Variants in ABCD3 observed in about 807,000 individuals in gnomAD.
The protein encoded by ABCD3 is ATP-binding cassette sub-family D member 3.
ABCD3 carries 41 observed loss-of-function variants against 105.5 expected under a neutral mutation model. That is an observed-to-expected ratio of 0.39 (90% CI 0.30 to 0.50). The LOEUF is 0.50. Ranked by LOEUF, ABCD3 falls within the 20% of genes least tolerant of loss-of-function variation. The probability of loss-of-function intolerance (pLI) is 0.84; values close to 1 mark genes in which losing one functional copy is unlikely to be tolerated. For synonymous variants in ABCD3, 258 were observed against 269.0 expected, an observed-to-expected ratio of 0.96 and a Z score of 0.40; for missense variants, 622 against 806.3, an observed-to-expected ratio of 0.77 and a Z score of 2.77.
the ABCD3 span, among the ~76,000 whole-genome samples, chr1:94,398,410 G>T: frequency 2.0e-5 from 3 of 152,120 alleles, no homozygotes; most frequent in Non-Finnish European, 4.4e-5. Flanking sequence ...AATTGCTAAC[G>T]TGTATTCTTG....
At chr1:94,482,680 C>T (rs1463013356) in intron 9 of ABCD3, 1 of 165,126 alleles carries the variant, frequency 6.1e-6, no homozygotes, top group Non-Finnish European at 1.3e-5. Context: ...AGGGTTTCCT[C>T]CTGGGAGCTG....
chr1:94,478,446 C>G, intron 8 of ABCD3, 131 bp downstream of exon 8: 1 of 1,205,254 alleles, frequency 8.3e-7, no homozygotes, highest in Non-Finnish European at 1.2e-6. Context: ...ATTTACCTAA[C>G]AAAGTCTGGT....
At chr1:94,481,590 T>C (rs1423955509) in intron 9 of ABCD3, 1 of 152,276 alleles carries the variant, frequency 6.6e-6, no homozygotes, top group African/African-American at 2.4e-5. Flanking sequence ...TCTCTGGTGT[T>C]CTCTTGGCTC....
chr1:94,426,896 T>C (rs1659492265), intron 1 of ABCD3, among the ~76,000 whole-genome samples: 1 of 151,524 alleles, frequency 6.6e-6, no homozygotes, highest in African/African-American at 2.4e-5. Flanking sequence ...GTCTTTATAC[T>C]TATTTTTGGT....
At chr1:94,445,979 G>A (rs1660330269) in intron 1 of ABCD3, among the ~76,000 whole-genome samples, 1 of 152,130 alleles carries the variant, frequency 6.6e-6, no homozygotes, top group South Asian at 2.1e-4. Flanking sequence ...GACTGAGAGT[G>A]GGTAAAGGAA....
chr1:94,506,629 G>T lies in ABCD3; in HGVS notation c.1832G>T (p.Ser611Ile), dbSNP rs544267213. ...VSVDVEGYIY[S>I]HCRKVGITLF... ...GTCGACGTGGAAGGCTACATTTATA[G>T]TCATTGTCGAAAGGTAAGTACGCAG... The change falls in exon 21 of 23, where the codon AGT becomes ATT. Residue 611 changes from serine (S) to isoleucine (I), a missense_variant. Physicochemically the swap from Ser to Ile is moderately radical, Grantham distance 142 (BLOSUM62 -2). Transcript: ENST00000370214. 1 of 1,612,254 alleles carries T rather than the reference G, an allele frequency of 6.2e-7. No individual in the cohort carries two copies. The highest frequency in any genetic ancestry group is 1.1e-5 in the South Asian group (1 of 91,062).
Position 94,487,758 on chromosome 1 carries a change from A to T in ABCD3, c.1032A>T (p.Arg344=). The T allele has an allele frequency of 6.2e-7, 1 of 1,614,050 alleles. No individual in the cohort carries two copies. Among genetic ancestry groups the T allele is most frequent in the Non-Finnish European group, 8.5e-7 (1 of 1,179,940 alleles). The change falls in exon 12 of 23, where the codon CGA becomes CGT. Residue 344 remains arginine (R), a synonymous_variant. Coordinates refer to ENST00000370214, the MANE Select transcript of ABCD3 (RefSeq NM_002858.4). ...CTTTCTTAGATTTGTCTCATCCTCG[A>T]CATCTCAAGAGTACACATTCGGAAC... ...SRPFLDLSHP[R]HLKSTHSELL... is the part of the protein sequence containing the mutation.
intron 1 of ABCD3, among the ~76,000 whole-genome samples, chr1:94,448,633 A>T (rs1660449216): frequency 6.6e-6 from 1 of 152,228 alleles, no homozygotes; most frequent in Non-Finnish European, 1.5e-5. Context: ...TTCCACACAA[A>T]TAATTGAAAA....
Position 94,458,511 on chromosome 1 carries a change from T to C in ABCD3, c.111-96T>C. ...TATGATGTGAAAAAGAAGAAACGCT[T>C]TTAAATAATTTGGTATATTTGACAT... On this transcript the variant is annotated intron_variant, in intron 1 of 22. Transcript: ENST00000370214. 3 of 1,106,128 alleles carry C rather than the reference T, an allele frequency of 2.7e-6. No individual in the cohort carries two copies. In the Admixed American group the frequency reaches 5.4e-5, roughly 20 times the overall value. The allele number at this position is 1,106,128 out of a possible 1,614,324, so 68.5% of individuals were successfully genotyped here. A position where few individuals can be genotyped will look rare whatever the true frequency, so the allele number is the denominator to read the frequency against.
intron 10 of ABCD3, 100 bp from the exon 11 acceptor site, chr1:94,487,442 T>C (rs369185744): frequency 2.8e-5 from 29 of 1,041,814 alleles, no homozygotes; most frequent in Middle Eastern, 3.0e-4. Flanking sequence ...TCAGTAAATA[T>C]TTGTTGAATA....
intron 21 of ABCD3, among the ~76,000 whole-genome samples, chr1:94,507,126 G>A: frequency 6.6e-6 from 1 of 151,904 alleles, no homozygotes; most frequent in East Asian, 1.9e-4. Context: ...ATCTCCCAAT[G>A]CTATCCCTCC....
chr1:94,504,925 T>A (rs1650276084), intron 20 of ABCD3, among the ~76,000 whole-genome samples: 1 of 152,096 alleles, frequency 6.6e-6, no homozygotes, highest in Non-Finnish European at 1.5e-5. Flanking sequence ...TTGAATGGAC[T>A]TTTTAGTTCA....
At chr1:94,515,071 C>A in intron 21 of ABCD3, 75 bp from the exon 22 acceptor site, 1 of 1,174,488 alleles carries the variant, frequency 8.5e-7, no homozygotes, top group Non-Finnish European at 1.3e-6. Flanking sequence ...GTCCTCTTAA[C>A]AGCTTAAAGT....
At chr1:94,442,943 T>TTA (rs963222807) in intron 1 of ABCD3, among the ~76,000 whole-genome samples, 164 of 152,090 alleles carry the variant, frequency 1.1e-3, no homozygotes, top group East Asian at 7.7e-4. Context: ...CAGGTATCTT[T>TTA]TATATATATA....
chr1:94,465,206 A>G (rs937335350), intron 3 of ABCD3, among the ~76,000 whole-genome samples: 3 of 152,106 alleles, frequency 2.0e-5, no homozygotes, highest in Non-Finnish European at 4.4e-5. Context: ...CCATGACCCA[A>G]ACACCTCCCA....
At chr1:94,514,300 A>G (rs916532247) in intron 21 of ABCD3, 7 of 152,042 alleles carry the variant, frequency 4.6e-5, no homozygotes, top group African/African-American at 1.7e-4. Context: ...TGCCCATTAG[A>G]TGGCAGTAGT....
At chr1:94,404,859 C>T in the ABCD3 span, among the ~76,000 whole-genome samples, 1 of 150,192 alleles carries the variant, frequency 6.7e-6, no homozygotes, top group Non-Finnish European at 1.5e-5. Flanking sequence ...GAAATCTTCC[C>T]TATTTTGAGG....
chr1:94,459,958 A>C (rs1019597995), intron 2 of ABCD3, among the ~76,000 whole-genome samples: 1 of 152,174 alleles, frequency 6.6e-6, no homozygotes, highest in African/African-American at 2.4e-5. Context: ...TTATTGCTGA[A>C]TAGTGTTCTT....
At position 94,480,466 on chromosome 1, in the gene ABCD3, C is replaced by G. The variant is rs1279654818; in HGVS notation, c.687C>G (p.Gly229=). The G allele has an allele frequency of 3.7e-6, 6 of 1,613,618 alleles. No homozygotes were observed. Among genetic ancestry groups the G allele is most frequent in the Non-Finnish European group, 4.2e-6 (5 of 1,179,806 alleles). ...FKLTSAIGAQ[G]PASMMAYLVV... ...TCTTTCTCTCCCAATAATAATAGGG[C>G]CCAGCGAGCATGATGGCCTACTTGG... The change falls in exon 9 of 23, where the codon GGC becomes GGG. Residue 229 remains glycine, a splice_region_variant and synonymous_variant. Coordinates refer to ENST00000370214, the MANE Select transcript of ABCD3 (RefSeq NM_002858.4).
Sources: allele counts gnomAD v4.1 joint callset (sites outside exome capture counted in the v4.1 genomes callset), GRCh38; gene constraint gnomAD v4.1.1; transcripts MANE v1.5; gene names NCBI Gene and HGNC (gene_info 2026-07-23, HGNC 2026-07-21).